Variants in TMEM74 observed in about 807,000 individuals in gnomAD.
TMEM74 encodes the protein transmembrane protein 74.
In TMEM74, 13 loss-of-function variants were observed where a neutral mutation model predicts 18.1. The ratio of observed to expected loss-of-function variants is 0.72; its 90% CI spans 0.47 to 1.14. TMEM74 has a LOEUF of 1.14. TMEM74 is among the 50% of genes most tolerant of loss of function. The pLI is 0.00. For synonymous variants in TMEM74, 159 were observed against 146.6 expected (o/e 1.08, Z -0.61); for missense variants, 372 against 375.9 (o/e 0.99, Z 0.09).
chr8:108,731,085 T>G (rs1470121009), intron 1 of TMEM74, among the ~76,000 whole-genome samples: 1 of 152,186 alleles, frequency 6.6e-6, no homozygotes, highest in Non-Finnish European at 1.5e-5. Flanking sequence ...TCATATCTTT[T>G]TCATTCATCT....
intron 1 of TMEM74, among the ~76,000 whole-genome samples, chr8:108,692,971 TAA>T (rs948202821): frequency 1.3e-5 from 2 of 151,666 alleles, no homozygotes; most frequent in African/African-American, 4.9e-5. Flanking sequence ...CAGTAAAAAA[TAA>T]AGAGGGCAAA....
At chr8:108,774,467 T>A (rs1351309463), downstream of TMEM74, among the ~76,000 whole-genome samples, 1 of 152,224 alleles carries the variant, frequency 6.6e-6, no homozygotes, top group Non-Finnish European at 1.5e-5. Context: ...GGAGGATTTA[T>A]GCCTTCAGTG....
intron 1 of TMEM74, among the ~76,000 whole-genome samples, chr8:108,714,143 A>G (rs540498965): frequency 2.6e-5 from 4 of 152,236 alleles, no homozygotes; most frequent in African/African-American, 9.6e-5. Context: ...ACACCCTCAC[A>G]GACACCCCAA....
chr8:108,684,665 G>C (rs1297747251), intron 1 of TMEM74, among the ~76,000 whole-genome samples: 1 of 149,596 alleles, frequency 6.7e-6, no homozygotes, highest in Non-Finnish European at 1.5e-5. Context: ...CCAATATCTT[G>C]AAGCATTTAC....
intron 1 of TMEM74, among the ~76,000 whole-genome samples, chr8:108,697,313 G>A (rs904479062): frequency 6.6e-6 from 1 of 152,156 alleles, no homozygotes; most frequent in Non-Finnish European, 1.5e-5. Context: ...TGAGAACTAT[G>A]GTTTGGCATA....
intron 1 of TMEM74, among the ~76,000 whole-genome samples, chr8:108,683,294 T>A (rs923194790): frequency 1.3e-5 from 2 of 151,658 alleles, no homozygotes; most frequent in African/African-American, 2.4e-5. Context: ...TTGAGCTGCA[T>A]AATCCTGTTA....
intron 1 of TMEM74, among the ~76,000 whole-genome samples, chr8:108,731,932 T>C (rs1045913129): frequency 3.9e-5 from 6 of 152,068 alleles, no homozygotes; most frequent in Admixed American, 1.3e-4. Context: ...AAGCCCACCA[T>C]TTTTTCTCCT....
chr8:108,633,815 A>C (rs563918418), intron 2 of TMEM74, among the ~76,000 whole-genome samples: 1 of 152,086 alleles, frequency 6.6e-6, no homozygotes, highest in African/African-American at 2.4e-5. Context: ...CCTTGTGTAA[A>C]GATTTGGGGC....
chr8:108,774,899 A>T (rs980330233), downstream of TMEM74, among the ~76,000 whole-genome samples: 2 of 151,328 alleles, frequency 1.3e-5, no homozygotes, highest in Admixed American at 1.3e-4. Flanking sequence ...ACACTTGGCT[A>T]GTCTATCCTT....
chr8:108,725,502 T>C (rs1219413807), intron 1 of TMEM74, among the ~76,000 whole-genome samples: 1 of 152,142 alleles, frequency 6.6e-6, no homozygotes, highest in African/African-American at 2.4e-5. Flanking sequence ...TCTTTGGGCA[T>C]TGGGGATAAG....
intron 1 of TMEM74, among the ~76,000 whole-genome samples, chr8:108,734,780 C>A (rs1233014965): frequency 6.6e-6 from 1 of 152,300 alleles, no homozygotes; most frequent in African/African-American, 2.4e-5. Flanking sequence ...ACCGGGGACA[C>A]TTGAGACTCT....
chr8:108,615,483 C>T (rs917760795), intron 2 of TMEM74, among the ~76,000 whole-genome samples: 1 of 152,202 alleles, frequency 6.6e-6, no homozygotes, highest in Non-Finnish European at 1.5e-5. Context: ...AGCCACTTCT[C>T]TATTGACAAC....
chr8:108,688,113 C>G (rs1769350520), intron 1 of TMEM74, among the ~76,000 whole-genome samples: 1 of 152,134 alleles, frequency 6.6e-6, no homozygotes, highest in Non-Finnish European at 1.5e-5. Flanking sequence ...CTATCTTTCT[C>G]CATCAGTTTA....
At chr8:108,744,640 A>G (rs79821826) in intron 1 of TMEM74, among the ~76,000 whole-genome samples, 8,701 of 152,274 alleles carry the variant, frequency 0.057, 348 homozygotes, top group East Asian at 0.13. Flanking sequence ...GTCTCTGGGC[A>G]AGGTGGAGGA....
At chr8:108,703,706 C>T (rs1280823243) in intron 1 of TMEM74, among the ~76,000 whole-genome samples, 1 of 152,204 alleles carries the variant, frequency 6.6e-6, no homozygotes, top group Non-Finnish European at 1.5e-5. Context: ...GCACCTACTA[C>T]ATGCCAGAAA....
rs900859603 is a variant in TMEM74, at chr8:108,782,068, C to CTTTAATGCCTTCTTTTT, written c.*2096_*2112dup. On this transcript the variant is annotated 3_prime_UTR_variant, in exon 2 of 2. Coordinates refer to ENST00000297459, the MANE Select transcript of TMEM74 (RefSeq NM_153015.3). ...TTCTATGAATAAACATTAGTTTTTT[C>CTTTAATGCCTTCTTTTT]TTTAATGCCTTCTTTTTTTTAATGC... is the stretch of plus-strand genomic sequence containing the variant. 3.9e-5 allele frequency among the ~76,000 whole-genome samples: 6 copies of CTTTAATGCCTTCTTTTT among 152,092 alleles called. No homozygotes were observed. The highest frequency in any genetic ancestry group is 1.3e-4 in the Admixed American group (2 of 15,276).
intron 2 of TMEM74, among the ~76,000 whole-genome samples, chr8:108,648,861 C>T (rs1812745808): frequency 6.6e-6 from 1 of 152,126 alleles, no homozygotes; most frequent in Non-Finnish European, 1.5e-5. Flanking sequence ...CTATAACAAG[C>T]AGTTTTGGTC....
intron 2 of TMEM74, among the ~76,000 whole-genome samples, chr8:108,621,996 A>T (rs1317520903): frequency 6.6e-6 from 1 of 152,150 alleles, no homozygotes. Context: ...AATTTTTTTC[A>T]CTAGAATGCT....
intron 2 of TMEM74, among the ~76,000 whole-genome samples, chr8:108,622,573 A>G (rs985459488): frequency 6.6e-6 from 1 of 152,106 alleles, no homozygotes; most frequent in Non-Finnish European, 1.5e-5. Flanking sequence ...GGCTTTGGGC[A>G]TCACTTAACC....
Sources: allele counts gnomAD v4.1 joint callset (sites outside exome capture counted in the v4.1 genomes callset), GRCh38; gene constraint gnomAD v4.1.1; transcripts MANE v1.5; gene names NCBI Gene and HGNC (gene_info 2026-07-23, HGNC 2026-07-21).